Variants in MCOLN2 observed in about 807,000 individuals in gnomAD.
The protein encoded by MCOLN2 is mucolipin-2.
Under a neutral mutation model 67.5 loss-of-function variants are expected in MCOLN2, and 57 were observed. The ratio of observed to expected loss-of-function variants is 0.84; its 90% CI spans 0.68 to 1.05. The LOEUF (loss-of-function observed/expected upper bound fraction) is 1.05. Among genes scored for constraint, MCOLN2 ranks in the 50% least tolerant of loss-of-function variants. MCOLN2 has a pLI of 0.00. For missense variants in MCOLN2, 620 were observed against 678.8 expected, an observed-to-expected ratio of 0.91 and a Z score of 0.96; for synonymous variants, 246 against 233.3, an observed-to-expected ratio of 1.05 and a Z score of -0.50.
At chr1:84,952,677 G>A in intron 4 of MCOLN2, 147 bp from the exon 5 acceptor site, 1 of 617,576 alleles carries the variant, frequency 1.6e-6, no homozygotes, top group South Asian at 2.0e-5. Context: ...CAGGAAAAAT[G>A]ATAGTAACCT....
chr1:84,944,971 T>C (rs1020917589), intron 7 of MCOLN2, among the ~76,000 whole-genome samples: 13 of 152,314 alleles, frequency 8.5e-5, no homozygotes, highest in Admixed American at 5.9e-4. Context: ...ACATAAGTTT[T>C]TTAAGGCTTT....
At chr1:84,929,125 C>G (rs972201468) in intron 13 of MCOLN2, among the ~76,000 whole-genome samples, 15 of 152,202 alleles carry the variant, frequency 9.9e-5, no homozygotes, top group African/African-American at 2.9e-4. Flanking sequence ...GATAAGCAAG[C>G]ACTTGGACAG....
intron 1 of MCOLN2, among the ~76,000 whole-genome samples, chr1:84,993,679 G>A (rs1011590722): frequency 6.9e-6 from 1 of 145,774 alleles, no homozygotes; most frequent in East Asian, 2.0e-4. Flanking sequence ...GCCGGACTGC[G>A]GACTGCAGTG....
chr1:84,965,475 C>T, intron 2 of MCOLN2, 74 bp downstream of exon 2: 1 of 1,491,410 alleles, frequency 6.7e-7, no homozygotes, highest in Non-Finnish European at 9.1e-7. Context: ...GAACAAAAGT[C>T]AAGTACAGAA....
At chr1:84,947,709 T>G (rs947532618) in intron 6 of MCOLN2, among the ~76,000 whole-genome samples, 2 of 152,202 alleles carry the variant, frequency 1.3e-5, no homozygotes, top group Admixed American at 1.3e-4. Flanking sequence ...ACTCTTCACC[T>G]CTGTGACCTA....
chr1:84,996,454 G>A (rs538363702), intron 1 of MCOLN2, among the ~76,000 whole-genome samples: 20 of 142,532 alleles, frequency 1.4e-4, no homozygotes, highest in African/African-American at 5.1e-4. Flanking sequence ...GGAAACGGGG[G>A]AGCCAAGGTC....
At chr1:84,987,530 ATC>A (rs1245509170) in intron 1 of MCOLN2, among the ~76,000 whole-genome samples, 28,077 of 56,218 alleles carry the variant, frequency 0.5, 9,202 homozygotes, top group East Asian at 0.72. Context: ...ATATGTATAC[ATC>A]TATGTATACA....
At chr1:84,957,146 A>AAAAG (rs980850552) in intron 3 of MCOLN2, among the ~76,000 whole-genome samples, 7 of 152,278 alleles carry the variant, frequency 4.6e-5, no homozygotes, top group Admixed American at 3.9e-4. Flanking sequence ...AATGCAGTAA[A>AAAAG]AAAGAAAGAA....
At chr1:84,970,080 CAT>C (rs1372532964) in intron 1 of MCOLN2, among the ~76,000 whole-genome samples, 1 of 152,194 alleles carries the variant, frequency 6.6e-6, no homozygotes, top group Admixed American at 6.5e-5. Flanking sequence ...CCCCTGTGGG[CAT>C]GTTTCAGCAA....
chr1:84,940,299 T>C (rs1037485337), intron 8 of MCOLN2, among the ~76,000 whole-genome samples: 3 of 152,200 alleles, frequency 2.0e-5, no homozygotes, highest in Non-Finnish European at 4.4e-5. Flanking sequence ...CTCTGTGGAC[T>C]TCCAATTTCC....
intron 13 of MCOLN2, 40 bp downstream of exon 13, chr1:84,929,518 A>G: frequency 2.6e-6 from 4 of 1,558,324 alleles, no homozygotes; most frequent in Non-Finnish European, 3.5e-6. Flanking sequence ...ACAACAGAAC[A>G]GCCCATCTCA....
At chr1:84,983,270 TTTTC>T (rs869117161) in intron 1 of MCOLN2, among the ~76,000 whole-genome samples, 1 of 49,938 alleles carries the variant, frequency 2.0e-5, no homozygotes, top group Non-Finnish European at 5.5e-5. Flanking sequence ...TTTGTTTTTC[TTTTC>T]TTTTTCTTTT....
intron 11 of MCOLN2, among the ~76,000 whole-genome samples, chr1:84,935,977 T>C (rs926561299): frequency 6.6e-6 from 1 of 152,206 alleles, no homozygotes; most frequent in Non-Finnish European, 1.5e-5. Context: ...CTGTTTTAGA[T>C]AATACCAAGA....
At chr1:84,927,226 T>C (rs766194875) in intron 13 of MCOLN2, among the ~76,000 whole-genome samples, 11 of 151,280 alleles carry the variant, frequency 7.3e-5, no homozygotes, top group Non-Finnish European at 1.6e-4. Flanking sequence ...AAGAAAAATA[T>C]ATGTTACATT....
At chr1:84,963,539 G>A (rs546853233) in intron 2 of MCOLN2, among the ~76,000 whole-genome samples, 1 of 152,280 alleles carries the variant, frequency 6.6e-6, no homozygotes, top group East Asian at 1.9e-4. Context: ...ATCTCAAGTC[G>A]AATTGTAATC....
At chr1:84,988,594 C>T (rs1650731179) in intron 1 of MCOLN2, among the ~76,000 whole-genome samples, 1 of 152,120 alleles carries the variant, frequency 6.6e-6, no homozygotes, top group South Asian at 2.1e-4. Context: ...GGAGTGGTCC[C>T]CATCACTGTC....
At position 84,996,828 on chromosome 1, in the gene MCOLN2, C is replaced by A. The variant is rs138052421; in HGVS notation, c.45G>T (p.Glu15Asp). 6.2e-7 allele frequency: 1 copy of A among 1,614,152 alleles called. No individual in the cohort carries two copies. Among genetic ancestry groups the A allele is most frequent in the East Asian group, 2.2e-5 (1 of 44,876 alleles). ...PYRFPQARIP[E>D]RGSGVFRLTV... is the part of the protein sequence containing the mutation. ...TTAACCTGAAAACACCTGATCCTCTCTCCGGAATCCTTGCCTGGGGAAAAC... is the reference window on the plus strand; with the variant it reads ...TTAACCTGAAAACACCTGATCCTCTATCCGGAATCCTTGCCTGGGGAAAAC... The change falls in exon 1 of 14, where the codon GAG (glutamate) becomes GAT (aspartate). Residue 15 changes from glutamate to aspartate, a missense_variant. Transcript: ENST00000370608.
At position 84,958,536 on chromosome 1, in the gene MCOLN2, A is replaced by G; in HGVS notation, c.404T>C (p.Ile135Thr). 6.2e-7 allele frequency: 1 copy of G among 1,601,408 alleles called. No individual in the cohort carries two copies. Among genetic ancestry groups the G allele is most frequent in the Non-Finnish European group, 8.5e-7 (1 of 1,177,428 alleles). The change falls in exon 3 of 14, where the codon ATT becomes ACT. Residue 135 changes from isoleucine to threonine, a missense_variant. By Grantham distance (89) the Ile-to-Thr change is moderately conservative. Transcript: ENST00000370608. ...TCACAACAAAACACTTGCCTGATTA[A>G]TAGCAAAAAAGATGCTCTCATAGGC... ...EDAYESIFFA[I>T]NQYHQLKDIT...
chr1:84,981,521 C>A (rs974342530), intron 1 of MCOLN2, among the ~76,000 whole-genome samples: 1 of 151,988 alleles, frequency 6.6e-6, no homozygotes, highest in Non-Finnish European at 1.5e-5. Context: ...ATGGAACTGG[C>A]GATCATTATG....
Sources: gnomAD v4.1 joint callset for allele counts (sites outside exome capture counted in the v4.1 genomes callset) on GRCh38, gnomAD v4.1.1 for gene constraint, MANE v1.5 for transcripts, NCBI Gene and HGNC (gene_info 2026-07-23, HGNC 2026-07-21) for gene names.